CNTN4: variants seen among roughly 807,000 people sequenced by gnomAD.
The protein encoded by CNTN4 is contactin 4.
A neutral mutation model predicts 122.5 loss-of-function variants in CNTN4; 77 were observed. The observed-to-expected ratio is 0.63, with a 90% CI of 0.52 to 0.76. The LOEUF (loss-of-function observed/expected upper bound fraction) is 0.76. CNTN4 is among the 30% of genes least tolerant of loss of function. CNTN4 has a pLI of 0.00. For missense variants in CNTN4, 1,256 were observed against 1,259.1 expected, an observed-to-expected ratio of 1.00 and a Z score of 0.04; for synonymous variants, 512 against 447.0, an observed-to-expected ratio of 1.15 and a Z score of -1.83.
At chr3:2,143,500 G>C (rs1395593173) in intron 2 of CNTN4, among the ~76,000 whole-genome samples, 1 of 152,002 alleles carries the variant, frequency 6.6e-6, no homozygotes, top group Non-Finnish European at 1.5e-5. Context: ...TACTATTCTC[G>C]ATTTAGACAT....
chr3:2,260,774 C>G (rs953209755), intron 2 of CNTN4, among the ~76,000 whole-genome samples: 1 of 150,552 alleles, frequency 6.6e-6, no homozygotes, highest in Non-Finnish European at 1.5e-5. Flanking sequence ...GTCATCCAGG[C>G]TGGAGTGCAG....
intron 3 of CNTN4, among the ~76,000 whole-genome samples, chr3:2,527,380 G>T (rs1465451870): frequency 6.6e-6 from 1 of 152,212 alleles, no homozygotes; most frequent in African/African-American, 2.4e-5. Flanking sequence ...TACTCTTGAG[G>T]ACTGGCACAC....
At chr3:2,374,621 GC>G (rs2045751278) in intron 3 of CNTN4, among the ~76,000 whole-genome samples, 1 of 151,890 alleles carries the variant, frequency 6.6e-6, no homozygotes, top group East Asian at 1.9e-4. Context: ...CACTAATGTG[GC>G]AAGGCTTGTT....
intron 14 of CNTN4, among the ~76,000 whole-genome samples, chr3:2,991,088 CAT>C (rs747193094): frequency 3.9e-5 from 6 of 152,114 alleles, no homozygotes; most frequent in Non-Finnish European, 8.8e-5. Context: ...AACTAGGAAA[CAT>C]GACTTGAGGA....
intron 9 of CNTN4, among the ~76,000 whole-genome samples, chr3:2,884,540 A>G (rs530180434): frequency 1.4e-4 from 21 of 152,362 alleles, no homozygotes; most frequent in Non-Finnish European, 2.9e-4. Flanking sequence ...GCAAAACAAC[A>G]TTTAAGACAT....
intron 2 of CNTN4, among the ~76,000 whole-genome samples, chr3:2,304,849 A>G (rs1342631915): frequency 6.6e-6 from 1 of 151,044 alleles, no homozygotes; most frequent in African/African-American, 2.4e-5. Context: ...CTTTGTAATA[A>G]TCTGGTAAGA....
At chr3:2,761,438 C>CTGTGTGTG (rs113454553) in intron 6 of CNTN4, among the ~76,000 whole-genome samples, 9,956 of 92,552 alleles carry the variant, frequency 0.11, 610 homozygotes, top group East Asian at 0.28. Flanking sequence ...TAAGTGTAAC[C>CTGTGTGTG]TGTGTGTGTG....
At chr3:2,618,103 G>A (rs1455660481) in intron 4 of CNTN4, among the ~76,000 whole-genome samples, 1 of 152,102 alleles carries the variant, frequency 6.6e-6, no homozygotes. Flanking sequence ...AGTTAGAACA[G>A]ATACATGTTT....
chr3:2,260,531 CAG>C (rs1011956432), intron 2 of CNTN4, among the ~76,000 whole-genome samples: 13 of 151,858 alleles, frequency 8.6e-5, no homozygotes, highest in Non-Finnish European at 1.8e-4. Flanking sequence ...GAAGGGAAAA[CAG>C]GGTATAGACA....
At chr3:2,661,809 CAAAAAAAAAAA>C (rs544079802) in intron 4 of CNTN4, among the ~76,000 whole-genome samples, 1 of 78,494 alleles carries the variant, frequency 1.3e-5, no homozygotes, top group Non-Finnish European at 2.5e-5. Context: ...AATTCCATCT[CAAAAAAAAAAA>C]AAAAAAAAAA....
intron 3 of CNTN4, among the ~76,000 whole-genome samples, chr3:2,352,611 C>T (rs1321168104): frequency 6.6e-6 from 1 of 152,192 alleles, no homozygotes; most frequent in East Asian, 1.9e-4. Context: ...CTCACCGGGC[C>T]TCTGCTGCCT....
At chr3:2,165,533 A>T (rs1218958559) in intron 2 of CNTN4, among the ~76,000 whole-genome samples, 1 of 152,146 alleles carries the variant, frequency 6.6e-6, no homozygotes, top group East Asian at 1.9e-4. Flanking sequence ...TTGTGGTGAG[A>T]ATACTTAAGA....
At chr3:2,304,120 G>T (rs977535640) in intron 2 of CNTN4, among the ~76,000 whole-genome samples, 4 of 152,102 alleles carry the variant, frequency 2.6e-5, no homozygotes, top group African/African-American at 9.7e-5. Context: ...AGGATCATTT[G>T]GTGAAATTAC....
At chr3:2,649,146 G>T (rs973617468) in intron 4 of CNTN4, among the ~76,000 whole-genome samples, 1 of 152,194 alleles carries the variant, frequency 6.6e-6, no homozygotes, top group Non-Finnish European at 1.5e-5. Context: ...AAAGTGCAAG[G>T]TGTAGAAACA....
chr3:2,506,092 T>C (rs2076723826), intron 3 of CNTN4, among the ~76,000 whole-genome samples: 1 of 152,136 alleles, frequency 6.6e-6, no homozygotes, highest in Non-Finnish European at 1.5e-5. Flanking sequence ...TTTCTGCCGG[T>C]TTTCCTCATG....
intron 3 of CNTN4, among the ~76,000 whole-genome samples, chr3:2,434,205 G>A (rs1166104810): frequency 2.6e-5 from 4 of 152,116 alleles, no homozygotes; most frequent in Non-Finnish European, 5.9e-5. Flanking sequence ...TTGTTCATTA[G>A]CCTGATTTAA....
chr3:2,970,745 C>G (rs1276062115), intron 13 of CNTN4, among the ~76,000 whole-genome samples: 1 of 151,924 alleles, frequency 6.6e-6, no homozygotes, highest in Admixed American at 6.6e-5. Context: ...CATGCCCAGC[C>G]AATTAACACA....
At chr3:3,037,584 C>T (rs1466431393) in intron 18 of CNTN4, 1 of 483,854 alleles carries the variant, frequency 2.1e-6, no homozygotes, top group Non-Finnish European at 3.8e-6. Flanking sequence ...TCTCAAAAGC[C>T]AGCCCTTTCT....
chr3:2,445,856 T>C (rs1361094204), intron 3 of CNTN4, among the ~76,000 whole-genome samples: 1 of 152,154 alleles, frequency 6.6e-6, no homozygotes, highest in Non-Finnish European at 1.5e-5. Flanking sequence ...GGGATGCTGC[T>C]AATATCAATT....
Sources: allele counts gnomAD v4.1 joint callset (sites outside exome capture counted in the v4.1 genomes callset), GRCh38; gene constraint gnomAD v4.1.1; transcripts MANE v1.5; gene names NCBI Gene and HGNC (gene_info 2026-07-23, HGNC 2026-07-21).